The following PRIM2 variants were observed in gnomAD, a reference collection of about 807,000 sequenced individuals.
PRIM2 encodes the protein DNA primase large subunit.
In PRIM2, 39 loss-of-function variants were observed where a neutral mutation model predicts 67.3. The observed-to-expected ratio is 0.58, with a 90% confidence interval of 0.45 to 0.76. The LOEUF is 0.76. Among genes scored for constraint, PRIM2 ranks in the 30% least tolerant of loss-of-function variants. PRIM2 has a pLI of 0.00. For synonymous variants in PRIM2, 143 were observed against 198.7 expected, an observed-to-expected ratio of 0.72 and a Z score of 2.36; for missense variants, 398 against 598.7, an observed-to-expected ratio of 0.66 and a Z score of 3.50.
At chr6:57,445,047 T>C (rs560536811) in intron 7 of PRIM2, among the ~76,000 whole-genome samples, 1,967 of 152,280 alleles carry the variant, frequency 0.013, 42 homozygotes, top group African/African-American at 0.045. Flanking sequence ...TGCTACTTTG[T>C]GTTGTGTGAT....
At chr6:57,320,390 A>G (rs553009902) in intron 2 of PRIM2, 67 bp from the exon 3 acceptor site, 314 of 1,122,952 alleles carry the variant, frequency 2.8e-4, no homozygotes, top group Middle Eastern at 5.6e-4. Context: ...ATTGCCCTCC[A>G]TAGATTTTGT....
intron 10 of PRIM2, among the ~76,000 whole-genome samples, chr6:57,574,272 C>A (rs1775921078): frequency 1.3e-5 from 2 of 152,180 alleles, no homozygotes; most frequent in Admixed American, 6.5e-5. Context: ...CAATGGGAGA[C>A]CTCTAGAGGG....
chr6:57,273,344 C>T, the PRIM2 span, among the ~76,000 whole-genome samples: 20 of 152,146 alleles, frequency 1.3e-4, no homozygotes, highest in Non-Finnish European at 2.8e-4. Context: ...TCTGTTTTCT[C>T]TAAACTTCTC....
chr6:57,590,803 T>G (rs1776270179), intron 10 of PRIM2, among the ~76,000 whole-genome samples: 5 of 152,222 alleles, frequency 3.3e-5, no homozygotes, highest in Non-Finnish European at 7.3e-5. Flanking sequence ...ATTTTATCAC[T>G]GTGTGCAGGA....
chr6:57,308,415 G>C, the PRIM2 span, among the ~76,000 whole-genome samples: 1 of 152,164 alleles, frequency 6.6e-6, no homozygotes, highest in Admixed American at 6.5e-5. Context: ...GAGCCACTGT[G>C]CCTGGCCCAG....
the PRIM2 span, among the ~76,000 whole-genome samples, chr6:57,278,220 G>A: frequency 6.7e-6 from 1 of 149,362 alleles, no homozygotes; most frequent in African/African-American, 2.5e-5. Context: ...CCAGCTACTC[G>A]GGAGGCTGAG....
intron 7 of PRIM2, among the ~76,000 whole-genome samples, chr6:57,389,208 A>C (rs2397253): frequency 1.3e-5 from 2 of 152,178 alleles, no homozygotes; most frequent in East Asian, 1.9e-4. Context: ...AGGCTCAAGC[A>C]GTCCGCCTGC....
the PRIM2 span, among the ~76,000 whole-genome samples, chr6:57,266,532 G>T: frequency 6.6e-6 from 1 of 152,106 alleles, no homozygotes; most frequent in African/African-American, 2.4e-5. Flanking sequence ...CAAGTTCAAG[G>T]TTAGTTAAAC....
At chr6:57,248,619 G>T in the PRIM2 span, among the ~76,000 whole-genome samples, 10,638 of 152,238 alleles carry the variant, frequency 0.07, 431 homozygotes, top group Non-Finnish European at 0.1. Context: ...AAATGAAGTA[G>T]TGGCCCACTA....
chr6:57,240,098 T>TTTTTTTG, the PRIM2 span, among the ~76,000 whole-genome samples: 387 of 75,862 alleles, frequency 5.1e-3, 3 homozygotes, highest in African/African-American at 0.017. Context: ...TCTGTTTTTT[T>TTTTTTTG]TTTTTTTTTT....
the PRIM2 span, among the ~76,000 whole-genome samples, chr6:57,235,759 G>A: frequency 6.6e-6 from 1 of 152,152 alleles, no homozygotes. Context: ...CTTTATAAGA[G>A]GGAAGCAAGA....
intron 8 of PRIM2, among the ~76,000 whole-genome samples, chr6:57,515,468 A>G (rs1359875496): frequency 2.0e-5 from 3 of 152,246 alleles, no homozygotes; most frequent in African/African-American, 2.4e-5. Context: ...TCATTAGTCT[A>G]AAAATGCCAT....
At chr6:57,340,158 A>G (rs1033850404) in intron 5 of PRIM2, among the ~76,000 whole-genome samples, 2 of 152,224 alleles carry the variant, frequency 1.3e-5, no homozygotes, top group African/African-American at 4.8e-5. Flanking sequence ...ACAATGAGAT[A>G]CCATCTCACA....
At chr6:57,448,548 A>C (rs1446013541) in intron 7 of PRIM2, among the ~76,000 whole-genome samples, 1 of 152,048 alleles carries the variant, frequency 6.6e-6, no homozygotes, top group Non-Finnish European at 1.5e-5. Context: ...CATTTTAGGG[A>C]GACAGGAGTT....
At chr6:57,516,586 C>T (rs1205076155) in intron 8 of PRIM2, among the ~76,000 whole-genome samples, 1 of 152,132 alleles carries the variant, frequency 6.6e-6, no homozygotes, top group Non-Finnish European at 1.5e-5. Flanking sequence ...GTCTTATCAA[C>T]CAGCTACCTA....
At chr6:57,223,514 T>C in the PRIM2 span, among the ~76,000 whole-genome samples, 8 of 152,236 alleles carry the variant, frequency 5.3e-5, no homozygotes, top group Non-Finnish European at 8.8e-5. Flanking sequence ...TTACCTATAA[T>C]AGCAATAGTA....
At chr6:57,616,371 A>G (rs1292396956) in intron 12 of PRIM2, among the ~76,000 whole-genome samples, 3 of 152,100 alleles carry the variant, frequency 2.0e-5, no homozygotes, top group Non-Finnish European at 4.4e-5. Context: ...GCCAGAATTC[A>G]CACCTATGCC....
At chr6:57,481,957 G>T (rs1459941884) in intron 7 of PRIM2, among the ~76,000 whole-genome samples, 1 of 152,170 alleles carries the variant, frequency 6.6e-6, no homozygotes, top group African/African-American at 2.4e-5. Flanking sequence ...AGATAAGGAG[G>T]TTAGGTTAGA....
intron 10 of PRIM2, among the ~76,000 whole-genome samples, chr6:57,581,508 A>G (rs1776083615): frequency 6.6e-6 from 1 of 152,186 alleles, no homozygotes; most frequent in South Asian, 2.1e-4. Flanking sequence ...CATTCATATC[A>G]ATGAATAAAG....
Sources: gnomAD v4.1 joint callset for allele counts (sites outside exome capture counted in the v4.1 genomes callset) on GRCh38, gnomAD v4.1.1 for gene constraint, MANE v1.5 for transcripts, NCBI Gene and HGNC (gene_info 2026-07-23, HGNC 2026-07-21) for gene names.